Variants in PCNX1 observed in about 807,000 individuals in gnomAD.
PCNX1 encodes pecanex-like protein 1.
A neutral mutation model predicts 242.2 loss-of-function variants in PCNX1; 78 were observed. That is an observed-to-expected ratio of 0.32 (90% CI 0.27 to 0.39). The LOEUF (loss-of-function observed/expected upper bound fraction) is 0.39. PCNX1 is among the 10% of genes least tolerant of loss of function. The pLI is 1.00. For synonymous variants in PCNX1, 1,024 were observed against 1,032.9 expected, an observed-to-expected ratio of 0.99 and a Z score of 0.17; for missense variants, 2,581 against 2,856.5, an observed-to-expected ratio of 0.90 and a Z score of 2.20.
At chr14:71,070,161 T>A (rs550898225) in intron 26 of PCNX1, among the ~76,000 whole-genome samples, 4 of 152,222 alleles carry the variant, frequency 2.6e-5, no homozygotes, top group Non-Finnish European at 5.9e-5. Context: ...ATCAGGATAT[T>A]ATAGCAATTC....
intron 26 of PCNX1, 119 bp downstream of exon 26, chr14:71,057,843 G>C (rs1201844012): frequency 2.7e-6 from 2 of 739,586 alleles, no homozygotes; most frequent in East Asian, 2.5e-5. Context: ...TGTGGAATGA[G>C]AAAAGTTGTT....
rs368807634 is a variant in PCNX1, at chr14:70,953,708, C to T, written c.362+6585C>T. 2.2e-4 allele frequency among the ~76,000 whole-genome samples: 31 copies of T among 139,112 alleles called. 1 individual carries two copies. Among genetic ancestry groups the T allele is most frequent in the East Asian group, 1.5e-3 (7 of 4,778 alleles). 91.3% of individuals were successfully genotyped at this position (139,112 alleles called of 152,430 possible). A position where few individuals can be genotyped will look rare whatever the true frequency, so the allele number is the denominator to read the frequency against. On this transcript the variant is annotated intron_variant, in intron 2 of 35. Coordinates refer to ENST00000304743, the MANE Select transcript of PCNX1 (RefSeq NM_014982.3). ...TAATGAATTGGAGTTTCACTTTTGT[C>T]GCCCAAGCTGGAGTGCAGTGGCACA...
chr14:71,020,449 T>G (rs2060070501), intron 12 of PCNX1, among the ~76,000 whole-genome samples: 2 of 152,190 alleles, frequency 1.3e-5, no homozygotes, highest in South Asian at 4.1e-4. Flanking sequence ...CATCTGTTGT[T>G]TCCTGACTTT....
rs1395132129 is a variant in PCNX1, at chr14:70,924,364, C to T, written c.153+16361C>T. Among the ~76,000 whole-genome samples, 6 of 152,124 alleles carry T rather than the reference C, an allele frequency of 3.9e-5. No homozygotes were observed. The East Asian group carries it at 5.8e-4, about 15-fold the overall frequency. On this transcript the variant is annotated intron_variant, in intron 1 of 35. Coordinates refer to ENST00000304743, the MANE Select transcript of PCNX1 (RefSeq NM_014982.3). ...AGATAGTGCAGAGAGATCCCGTATA[C>T]ACTGCATCCGGTTTCTCCTCTTGTT...
chr14:70,972,466 A>T lies in PCNX1; in HGVS notation c.604+3356A>T, dbSNP rs74060516. Among the ~76,000 whole-genome samples the T allele has an allele frequency of 8.7e-3, 1,318 of 152,302 alleles. 26 individuals are homozygous for T. The highest frequency in any genetic ancestry group is 0.03 in the African/African-American group (1,244 of 41,560). On this transcript the variant is annotated intron_variant, in intron 5 of 35. Coordinates refer to ENST00000304743, the MANE Select transcript of PCNX1 (RefSeq NM_014982.3). ...TAAGGGGTTGGGTATTATTAAGTTG[A>T]TGAAGTATCAGGGCAAGCATACTTG... is the stretch of plus-strand genomic sequence containing the variant.
chr14:71,074,791 T>C (rs185331784), intron 27 of PCNX1, among the ~76,000 whole-genome samples: 56 of 152,130 alleles, frequency 3.7e-4, no homozygotes, highest in African/African-American at 1.3e-3. Context: ...AACCCAAGGG[T>C]AAAGGCCAAA....
At chr14:70,986,624 T>C (rs2059009930) in intron 6 of PCNX1, among the ~76,000 whole-genome samples, 1 of 152,202 alleles carries the variant, frequency 6.6e-6, no homozygotes, top group African/African-American at 2.4e-5. Flanking sequence ...TTCTTCCTGT[T>C]CTGTATGATT....
intron 24 of PCNX1, 43 bp downstream of exon 24, chr14:71,052,055 T>C (rs200886225): frequency 6.8e-7 from 1 of 1,473,036 alleles, no homozygotes. Context: ...TTATCTTTCC[T>C]ACTGGGAAAA....
At chr14:71,037,516 C>CA (rs1201280386) in intron 19 of PCNX1, among the ~76,000 whole-genome samples, 1 of 151,170 alleles carries the variant, frequency 6.6e-6, no homozygotes, top group Non-Finnish European at 1.5e-5. Context: ...TGAATTTTGT[C>CA]AAAGGCCTTT....
rs116362119 is a variant in PCNX1 at position 71,036,578 on chromosome 14, G to A, written c.3867+421G>A. On this transcript the variant is annotated intron_variant, in intron 19 of 35. Transcript: ENST00000304743. ...ACATTTTTGTAGCTTAAGAGCAATA[G>A]GCTCTACCACATAGCCTCAGTGATA... is the stretch of plus-strand genomic sequence containing the variant. Among the ~76,000 whole-genome samples, 1,281 of 152,232 alleles carry A rather than the reference G, an allele frequency of 8.4e-3. 10 individuals carry two copies. The highest frequency in any genetic ancestry group is 0.029 in the African/African-American group (1,208 of 41,546).
At chr14:71,077,354 A>G (rs1287313109) in intron 28 of PCNX1, among the ~76,000 whole-genome samples, 2 of 152,214 alleles carry the variant, frequency 1.3e-5, no homozygotes, top group African/African-American at 4.8e-5. Flanking sequence ...TTGAACCACC[A>G]GTGTCGTATG....
At chr14:71,040,177 A>G (rs935228545) in intron 19 of PCNX1, among the ~76,000 whole-genome samples, 1 of 152,104 alleles carries the variant, frequency 6.6e-6, no homozygotes, top group African/African-American at 2.4e-5. Flanking sequence ...AAAATCTGCA[A>G]CTTTCCTTGG....
chr14:71,049,459 A>G (rs1168776997), intron 22 of PCNX1, among the ~76,000 whole-genome samples: 1 of 152,214 alleles, frequency 6.6e-6, no homozygotes, highest in Admixed American at 6.5e-5. Flanking sequence ...AATTAAATGT[A>G]TACAGAAATC....
chr14:71,000,188 AAAG>A (rs1394624747), intron 8 of PCNX1, among the ~76,000 whole-genome samples: 5 of 152,198 alleles, frequency 3.3e-5, no homozygotes, highest in Non-Finnish European at 5.9e-5. Context: ...TTATATTTCA[AAAG>A]AAGAAGTATT....
rs1308243198 is a variant in PCNX1 at position 71,004,929 on chromosome 14, C to T, written c.2630-4705C>T. ...AAACTCACTTTATACATTTACTGCC[C>T]ATATATCTCTCTTTGTTTTTATAGC... On this transcript the variant is annotated intron_variant, in intron 8 of 35. Transcript: ENST00000304743. Among the ~76,000 whole-genome samples the T allele has an allele frequency of 3.9e-5, 6 of 152,074 alleles. No individual in the cohort carries two copies. In the East Asian group the frequency reaches 1.2e-3, roughly 29 times the overall value.
rs114973093 is a variant in PCNX1, at chr14:71,077,408, C to G, written c.5337+989C>G. Among the ~76,000 whole-genome samples the G allele has an allele frequency of 8.9e-3, 1,357 of 152,340 alleles. 9 individuals carry two copies. Among genetic ancestry groups the G allele is most frequent in the South Asian group, 0.017 (81 of 4,830 alleles). On this transcript the variant is annotated intron_variant, in intron 28 of 35. Transcript: ENST00000304743. Reference sequence around the variant, plus strand: ...CATGGAGCAGTGTGAGCTACCTTGACAACTGGTGCCTTCGTCATGGTCTAG... The same window carrying G: ...CATGGAGCAGTGTGAGCTACCTTGAGAACTGGTGCCTTCGTCATGGTCTAG...
At chr14:71,039,699 T>C (rs1159882444) in intron 19 of PCNX1, among the ~76,000 whole-genome samples, 1 of 152,194 alleles carries the variant, frequency 6.6e-6, no homozygotes, top group Non-Finnish European at 1.5e-5. Flanking sequence ...TAGACCTCCA[T>C]GATCGACATC....
rs2055777422 is a variant in PCNX1 at position 70,910,063 on chromosome 14, C to CT, written c.153+2060_153+2061insT. On this transcript the variant is annotated intron_variant, in intron 1 of 35. Coordinates refer to ENST00000304743, the MANE Select transcript of PCNX1 (RefSeq NM_014982.3). ...CCTCCTCCTCCTCCTCCTCCTCCTC[C>CT]CCCTCCTCCTCCTCCTCCTCCTCCT... is the stretch of plus-strand genomic sequence containing the variant. 4.1e-5 allele frequency among the ~76,000 whole-genome samples: 4 copies of CT among 98,350 alleles called. 1 individual carries two copies. The highest frequency in any genetic ancestry group is 1.1e-4 in the Admixed American group (1 of 9,508). 64.5% of individuals were successfully genotyped at this position (98,350 alleles called of 152,430 possible).
intron 7 of PCNX1, among the ~76,000 whole-genome samples, chr14:70,995,117 CT>C (rs2059309584): frequency 3.3e-5 from 5 of 152,054 alleles, no homozygotes; most frequent in African/African-American, 1.2e-4. Context: ...ATAGATAACA[CT>C]TTATATTAAG....
Sources: allele counts gnomAD v4.1 joint callset (sites outside exome capture counted in the v4.1 genomes callset), GRCh38; gene constraint gnomAD v4.1.1; transcripts MANE v1.5; gene names NCBI Gene and HGNC (gene_info 2026-07-23, HGNC 2026-07-21).